Variants in AK5 observed in about 807,000 individuals in gnomAD.
AK5 encodes the protein adenylate kinase isoenzyme 5.
Under a neutral mutation model 69.5 loss-of-function variants are expected in AK5, and 27 were observed. That is an observed-to-expected ratio of 0.39 (90% CI 0.29 to 0.54). The LOEUF is 0.54. AK5 is among the 20% of genes least tolerant of loss of function. The pLI, the probability that AK5 is intolerant of heterozygous loss-of-function variation, is 0.71. For missense variants in AK5, 531 were observed against 700.4 expected, an observed-to-expected ratio of 0.76 and a Z score of 2.73; for synonymous variants, 260 against 244.4, an observed-to-expected ratio of 1.06 and a Z score of -0.60.
chr1:77,483,949 G>C (rs1403344786), intron 9 of AK5, among the ~76,000 whole-genome samples: 1 of 152,108 alleles, frequency 6.6e-6, no homozygotes, highest in Non-Finnish European at 1.5e-5. Flanking sequence ...CGGATCACTT[G>C]AGGTCAGGAA....
intron 8 of AK5, among the ~76,000 whole-genome samples, chr1:77,420,587 A>C (rs1650743471): frequency 6.6e-6 from 1 of 152,170 alleles, no homozygotes; most frequent in Non-Finnish European, 1.5e-5. Context: ...TTAATCCCTA[A>C]TTTGAAGCCA....
At chr1:77,351,429 T>C (rs1200676425) in intron 6 of AK5, among the ~76,000 whole-genome samples, 1 of 152,158 alleles carries the variant, frequency 6.6e-6, no homozygotes. Flanking sequence ...TAGCTATGGC[T>C]TAAATTAACA....
chr1:77,371,645 C>T (rs1389647352), intron 6 of AK5, among the ~76,000 whole-genome samples: 1 of 152,136 alleles, frequency 6.6e-6, no homozygotes. Context: ...AATTTACTGT[C>T]CATCTGGGTC....
chr1:77,295,904 AT>A (rs1437413315), intron 3 of AK5, among the ~76,000 whole-genome samples: 1 of 152,134 alleles, frequency 6.6e-6, no homozygotes, highest in African/African-American at 2.4e-5. Context: ...CCCACTTCAC[AT>A]TTCTTTCTAT....
At chr1:77,549,925 A>G (rs1168813207) in intron 13 of AK5, among the ~76,000 whole-genome samples, 1 of 152,018 alleles carries the variant, frequency 6.6e-6, no homozygotes, top group Non-Finnish European at 1.5e-5. Context: ...CCTAGGCTCA[A>G]GTGACCCTCC....
chr1:77,379,110 C>G (rs1328730587), intron 6 of AK5, among the ~76,000 whole-genome samples: 1 of 152,162 alleles, frequency 6.6e-6, no homozygotes, highest in African/African-American at 2.4e-5. Flanking sequence ...CTTTGTGGGT[C>G]TGGGGTGATC....
intron 11 of AK5, among the ~76,000 whole-genome samples, chr1:77,519,751 G>C (rs1056759240): frequency 6.6e-6 from 1 of 152,116 alleles, no homozygotes; most frequent in Non-Finnish European, 1.5e-5. Flanking sequence ...CTGTCATGGC[G>C]CTGATGGGAG....
chr1:77,322,549 A>C (rs1403835800), intron 5 of AK5, among the ~76,000 whole-genome samples: 1 of 152,230 alleles, frequency 6.6e-6, no homozygotes, highest in Middle Eastern at 3.2e-3. Flanking sequence ...GATTTTAAAA[A>C]AAGCAAAAAC....
chr1:77,332,809 TA>T (rs139796341), intron 5 of AK5, among the ~76,000 whole-genome samples: 17,048 of 151,962 alleles, frequency 0.11, 1,244 homozygotes, highest in Non-Finnish European at 0.16. Context: ...GCATTATAAA[TA>T]AATGTTGGTT....
chr1:77,438,327 A>G (rs1652098805), intron 8 of AK5, among the ~76,000 whole-genome samples: 2 of 131,414 alleles, frequency 1.5e-5, no homozygotes, highest in Admixed American at 7.9e-5. Flanking sequence ...AAAAAAAACA[A>G]GCTTGGGGAG....
rs1355749844 is a variant in AK5, at chr1:77,282,039, GC to G, written c.-272del. ...CCCCTGGCGGCCGCGCTGCCTGGCA[GC>G]CCGGGAAGCCGCGGCACAGCTGCTC... On this transcript the variant is annotated 5_prime_UTR_variant, in exon 1 of 14. Coordinates refer to ENST00000354567, the MANE Select transcript of AK5 (RefSeq NM_174858.3). 1.2e-5 allele frequency: 4 copies of G among 325,012 alleles called. No individual in the cohort carries two copies. The East Asian group carries it at 1.9e-4, about 16-fold the overall frequency. The allele number at this position is 325,012 out of a possible 1,614,324, so 20.1% of individuals were successfully genotyped here.
chr1:77,328,290 G>A (rs1660909351), intron 5 of AK5, among the ~76,000 whole-genome samples: 2 of 152,118 alleles, frequency 1.3e-5, no homozygotes, highest in African/African-American at 4.8e-5. Flanking sequence ...CACGAGGTCA[G>A]GAGTTCAAGA....
chr1:77,405,546 A>G (rs1193025222), intron 6 of AK5, among the ~76,000 whole-genome samples: 1 of 152,196 alleles, frequency 6.6e-6, no homozygotes, highest in Admixed American at 6.5e-5. Flanking sequence ...TCTCCTGCAG[A>G]GCCAGTACCT....
intron 10 of AK5, among the ~76,000 whole-genome samples, chr1:77,504,761 T>C (rs1202063418): frequency 1.3e-5 from 2 of 152,190 alleles, no homozygotes; most frequent in Non-Finnish European, 2.9e-5. Context: ...AGGACTACCA[T>C]AGGCATTTTT....
intron 5 of AK5, among the ~76,000 whole-genome samples, chr1:77,326,511 CAA>C (rs983570879): frequency 3.0e-4 from 45 of 151,584 alleles, no homozygotes; most frequent in African/African-American, 1.1e-3. Context: ...CATTTTGTGT[CAA>C]GTTTTTAGTC....
rs943825246 is a variant in AK5, at chr1:77,294,071, T to C, written c.415+111T>C. ...CAAATAGTTGGATAATGACAAGCAA[T>C]AGAAACAAAAGCTCAAGGGACAATA... On this transcript the variant is annotated intron_variant, in intron 3 of 13. Coordinates refer to ENST00000354567, the MANE Select transcript of AK5 (RefSeq NM_174858.3). 1.4e-4 allele frequency: 134 copies of C among 949,860 alleles called. 1 individual carries two copies. The highest frequency in any genetic ancestry group is 1.5e-5 in the Non-Finnish European group (10 of 647,276). The allele number at this position is 949,860 out of a possible 1,614,324, so 58.8% of individuals were successfully genotyped here.
chr1:77,558,183 G>A (rs973228834), intron 13 of AK5, among the ~76,000 whole-genome samples: 2 of 152,186 alleles, frequency 1.3e-5, no homozygotes, highest in African/African-American at 4.8e-5. Context: ...AGGTTTTTGG[G>A]TAGATGTTCA....
chr1:77,307,652 T>C (rs1659717936), intron 5 of AK5, among the ~76,000 whole-genome samples: 1 of 152,120 alleles, frequency 6.6e-6, no homozygotes, highest in African/African-American at 2.4e-5. Flanking sequence ...AAGTATGAAG[T>C]TTCTTTGTTG....
In AK5 at chr1:77,362,384, G is replaced by A. The variant is rs113302946; in HGVS notation, c.891+21816G>A. Reference sequence around the variant, plus strand: ...TTCAATACTTTAATACTTTAAAACCGCCATTATCTGTCCAAGCATATATTA... The same window carrying A: ...TTCAATACTTTAATACTTTAAAACCACCATTATCTGTCCAAGCATATATTA... On this transcript the variant is annotated intron_variant, in intron 6 of 13. Transcript: ENST00000354567. 8.9e-3 allele frequency among the ~76,000 whole-genome samples: 1,357 copies of A among 152,008 alleles called. 12 individuals carry two copies. Among genetic ancestry groups the A allele is most frequent in the Middle Eastern group, 0.075 (22 of 292 alleles).
Sources: allele counts gnomAD v4.1 joint callset (sites outside exome capture counted in the v4.1 genomes callset), GRCh38; gene constraint gnomAD v4.1.1; transcripts MANE v1.5; gene names NCBI Gene and HGNC (gene_info 2026-07-23, HGNC 2026-07-21).